Variants in MAPRE2 observed in about 807,000 individuals in gnomAD.
MAPRE2 encodes microtubule associated protein RP/EB family member 2.
Under a neutral mutation model 43.2 loss-of-function variants are expected in MAPRE2, and 13 were observed. That is an observed-to-expected ratio of 0.30 (90% CI 0.20 to 0.48). The LOEUF (loss-of-function observed/expected upper bound fraction) is 0.48, where lower values mean the gene tolerates loss of function less well. Ranked by LOEUF, MAPRE2 falls within the 20% of genes least tolerant of loss-of-function variation. The pLI, the probability that MAPRE2 is intolerant of heterozygous loss-of-function variation, is 0.99. For synonymous variants in MAPRE2, 135 were observed against 148.8 expected (o/e 0.91, Z 0.68); for missense variants, 161 against 400.2 (o/e 0.40, Z 5.10).
intron 2 of MAPRE2, among the ~76,000 whole-genome samples, chr18:35,030,474 C>T (rs2097047315): frequency 6.6e-6 from 1 of 152,200 alleles, no homozygotes; most frequent in Non-Finnish European, 1.5e-5. Context: ...TGTTTGTGCT[C>T]AGCTCTGCCA....
intron 2 of MAPRE2, among the ~76,000 whole-genome samples, chr18:35,021,360 G>A (rs960542691): frequency 6.6e-6 from 1 of 152,090 alleles, no homozygotes; most frequent in African/African-American, 2.4e-5. Context: ...GCAAATCCAT[G>A]ACACTTACAG....
At chr18:35,097,352 TGCCTGTAAGGACAATCCCCTTCCA>T in intron 2 of MAPRE2, 70 bp from the exon 3 acceptor site, 1 of 1,091,420 alleles carries the variant, frequency 9.2e-7, no homozygotes, top group East Asian at 2.4e-5. Context: ...GTGATGATGG[TGCCTGTAAGGACAATCCCCTTCCA>T]GCCTAGCAGT....
At chr18:35,110,885 C>G (rs1909145672) in intron 4 of MAPRE2, among the ~76,000 whole-genome samples, 1 of 152,088 alleles carries the variant, frequency 6.6e-6, no homozygotes, top group Non-Finnish European at 1.5e-5. Flanking sequence ...TTCTCCTTAT[C>G]TTTGGTTTTG....
intron 6 of MAPRE2, among the ~76,000 whole-genome samples, chr18:35,136,661 T>C (rs1427485755): frequency 6.6e-6 from 1 of 152,210 alleles, no homozygotes; most frequent in Non-Finnish European, 1.5e-5. Context: ...CAGCCACAGC[T>C]GGCAAGGTGG....
At chr18:35,134,380 A>G (rs983416302) in intron 6 of MAPRE2, among the ~76,000 whole-genome samples, 1 of 152,232 alleles carries the variant, frequency 6.6e-6, no homozygotes, top group Non-Finnish European at 1.5e-5. Context: ...TAGGGATTGT[A>G]TTCATTTACT....
chr18:35,121,205 T>G (rs1317144470), intron 4 of MAPRE2, among the ~76,000 whole-genome samples: 1 of 152,216 alleles, frequency 6.6e-6, no homozygotes, highest in East Asian at 1.9e-4. Flanking sequence ...TATGCCCAAC[T>G]TGTTGCAGCG....
chr18:35,095,390 A>ACACACACG (rs1555917918), intron 2 of MAPRE2, among the ~76,000 whole-genome samples: 14 of 145,646 alleles, frequency 9.6e-5, no homozygotes, highest in African/African-American at 1.6e-4. Flanking sequence ...ACACACACAC[A>ACACACACG]CACACACACA....
chr18:35,130,241 G>A (rs546641627), intron 5 of MAPRE2, among the ~76,000 whole-genome samples: 1 of 152,114 alleles, frequency 6.6e-6, no homozygotes, highest in Non-Finnish European at 1.5e-5. Flanking sequence ...CCTGGGGAGA[G>A]GTTGGTTTGT....
intron 2 of MAPRE2, among the ~76,000 whole-genome samples, chr18:35,077,851 A>T (rs1276505167): frequency 6.6e-6 from 1 of 152,206 alleles, no homozygotes; most frequent in African/African-American, 2.4e-5. Flanking sequence ...GAAATCATTC[A>T]CCAAGATCAA....
intron 1 of MAPRE2, among the ~76,000 whole-genome samples, chr18:35,056,741 A>G (rs1437441005): frequency 1.3e-5 from 2 of 152,118 alleles, no homozygotes. Flanking sequence ...CCTTTTTCTT[A>G]ATTATCTTTG....
chr18:34,989,654 G>A (rs1299186443), intron 1 of MAPRE2, among the ~76,000 whole-genome samples: 2 of 152,060 alleles, frequency 1.3e-5, no homozygotes, highest in Non-Finnish European at 2.9e-5. Flanking sequence ...AAGGCAGCAG[G>A]GAGCTATGAT....
chr18:34,982,351 T>C (rs573513627), intron 1 of MAPRE2, among the ~76,000 whole-genome samples: 5 of 152,268 alleles, frequency 3.3e-5, no homozygotes, highest in East Asian at 3.9e-4. Flanking sequence ...CCACCACCCA[T>C]AGAAATCTTA....
chr18:35,004,074 T>C (rs1282412439), intron 1 of MAPRE2, among the ~76,000 whole-genome samples: 2 of 152,226 alleles, frequency 1.3e-5, no homozygotes, highest in African/African-American at 4.8e-5. Flanking sequence ...CTGAGTAGTA[T>C]AACAATTCAG....
chr18:34,989,346 G>A (rs1437783279), intron 1 of MAPRE2, among the ~76,000 whole-genome samples: 1 of 151,922 alleles, frequency 6.6e-6, no homozygotes, highest in African/African-American at 2.4e-5. Flanking sequence ...CCTTCTCTCG[G>A]TCTTCTATCC....
intron 2 of MAPRE2, among the ~76,000 whole-genome samples, chr18:35,091,941 T>C (rs1908169861): frequency 6.6e-6 from 1 of 152,234 alleles, no homozygotes; most frequent in Admixed American, 6.5e-5. Flanking sequence ...GGCTTCTGCT[T>C]CTGGGGAGGC....
intron 1 of MAPRE2, among the ~76,000 whole-genome samples, chr18:34,986,176 T>C (rs2097020889): frequency 6.6e-6 from 1 of 152,124 alleles, no homozygotes; most frequent in Non-Finnish European, 1.5e-5. Context: ...TTACTGCACA[T>C]CATACATAAA....
intron 1 of MAPRE2, among the ~76,000 whole-genome samples, chr18:34,998,155 T>C (rs898086894): frequency 6.6e-6 from 1 of 152,044 alleles, no homozygotes; most frequent in Non-Finnish European, 1.5e-5. Context: ...TAGATTCCTT[T>C]GTAAGGCAGA....
At position 35,082,273 on chromosome 18, in the gene MAPRE2, G is replaced by A. The variant is rs1907676707; in HGVS notation, c.250+11951G>A. ...CCACTGCACTCCAGCCTGGGCGACA[G>A]AGCGAGACTCCGTCTCAAAAAAAAA... On this transcript the variant is annotated intron_variant, in intron 2 of 6. Transcript: ENST00000300249. 3.1e-5 allele frequency: 4 copies of A among 130,204 alleles called. No homozygotes were observed. In the Admixed American group the frequency reaches 3.4e-4, roughly 11 times the overall value. 8.1% of individuals were successfully genotyped at this position (130,204 alleles called of 1,614,324 possible). A position where few individuals can be genotyped will look rare whatever the true frequency, so the allele number is the denominator to read the frequency against.
chr18:35,036,593 T>C (rs1326835707), upstream of MAPRE2, among the ~76,000 whole-genome samples: 2 of 152,186 alleles, frequency 1.3e-5, no homozygotes, highest in South Asian at 2.1e-4. Context: ...CCTCTGTATG[T>C]AGGAATAGTT....
Sources: allele counts gnomAD v4.1 joint callset (sites outside exome capture counted in the v4.1 genomes callset), GRCh38; gene constraint gnomAD v4.1.1; transcripts MANE v1.5; gene names NCBI Gene and HGNC (gene_info 2026-07-23, HGNC 2026-07-21).